Variants in CREB5 observed in about 807,000 individuals in gnomAD.
CREB5 encodes cAMP responsive element binding protein 5.
CREB5 carries 19 observed loss-of-function variants against 57.1 expected under a neutral mutation model. The observed-to-expected ratio is 0.33, with a 90% CI of 0.23 to 0.49. CREB5 has a LOEUF of 0.49. CREB5 is among the 20% of genes least tolerant of loss of function. The pLI is 0.99. For missense variants in CREB5, 579 were observed against 671.6 expected, an observed-to-expected ratio of 0.86 and a Z score of 1.52; for synonymous variants, 238 against 238.3, an observed-to-expected ratio of 1.00 and a Z score of 0.01.
intron 5 of CREB5, among the ~76,000 whole-genome samples, chr7:28,694,564 T>A (rs1801441252): frequency 6.6e-6 from 1 of 152,164 alleles, no homozygotes; most frequent in African/African-American, 2.4e-5. Flanking sequence ...TTTTTTAAAA[T>A]TTTTCTTTAG....
At chr7:28,711,453 A>G (rs1183504293) in intron 5 of CREB5, among the ~76,000 whole-genome samples, 1 of 152,242 alleles carries the variant, frequency 6.6e-6, no homozygotes, top group Non-Finnish European at 1.5e-5. Flanking sequence ...GGGAAATATT[A>G]TATCTGCTCT....
In CREB5 at chr7:28,822,368, A is replaced by G. The variant is rs1809821665; in HGVS notation, c.*3089A>G. The G allele has an allele frequency of 6.6e-6, 1 of 152,600 alleles. No homozygotes were observed. The highest frequency in any genetic ancestry group is 6.5e-5 in the Admixed American group (1 of 15,282). 9.5% of individuals were successfully genotyped at this position (152,600 alleles called of 1,614,324 possible). ...CCGTCACCAGACAACAGAATAATCA[A>G]TCTGCCTGAAAATCCCTCCTCCTTG... On this transcript the variant is annotated 3_prime_UTR_variant, in exon 11 of 11. Transcript: ENST00000357727.
intron 1 of CREB5, among the ~76,000 whole-genome samples, chr7:28,310,533 T>C (rs1785257680): frequency 6.6e-6 from 1 of 152,260 alleles, no homozygotes; most frequent in African/African-American, 2.4e-5. Context: ...AACATTCTTT[T>C]CAACTATGAA....
chr7:28,736,173 T>G (rs912393503), intron 7 of CREB5, among the ~76,000 whole-genome samples: 5 of 151,948 alleles, frequency 3.3e-5, no homozygotes, highest in African/African-American at 1.2e-4. Flanking sequence ...TGTTTGTTTG[T>G]TTTGTTTTGT....
chr7:28,669,641 G>A (rs542778661), intron 5 of CREB5, among the ~76,000 whole-genome samples: 1 of 152,288 alleles, frequency 6.6e-6, no homozygotes, highest in East Asian at 1.9e-4. Flanking sequence ...ACCACTGTGG[G>A]ACTCTATCTT....
intron 1 of CREB5, among the ~76,000 whole-genome samples, chr7:28,486,718 A>G (rs1791572255): frequency 7.5e-6 from 1 of 132,970 alleles, no homozygotes; most frequent in South Asian, 2.4e-4. Context: ...TGGTAACCAC[A>G]AAACCATGTA....
chr7:28,585,492 G>A (rs576606501), intron 5 of CREB5, among the ~76,000 whole-genome samples: 8 of 152,292 alleles, frequency 5.3e-5, no homozygotes, highest in South Asian at 2.1e-4. Flanking sequence ...GCTCATTTTC[G>A]TGACCGATCA....
intron 1 of CREB5, among the ~76,000 whole-genome samples, chr7:28,324,596 C>A (rs887947674): frequency 1.2e-4 from 18 of 152,184 alleles, no homozygotes; most frequent in Admixed American, 9.8e-4. Flanking sequence ...GCTTTTGGAG[C>A]ACGTTCCTGA....
intron 1 of CREB5, among the ~76,000 whole-genome samples, chr7:28,415,845 G>A (rs1485794519): frequency 6.6e-6 from 1 of 152,174 alleles, no homozygotes; most frequent in Non-Finnish European, 1.5e-5. Context: ...AACGGGTGAT[G>A]TTTTCACTCT....
At position 28,718,742 on chromosome 7, in the gene CREB5, C is replaced by A. The variant is rs1195716017; in HGVS notation, c.465-11C>A. 5 of 1,612,888 alleles carry A rather than the reference C, an allele frequency of 3.1e-6. No homozygotes were observed. The highest frequency in any genetic ancestry group is 3.3e-5 in the Admixed American group (2 of 59,822). On this transcript the variant is annotated splice_polypyrimidine_tract_variant and intron_variant, in intron 5 of 10. Transcript: ENST00000357727. ...AGGAATCATGTTTGTTTGTTTTTTT[C>A]TTTGTCCCAGGCCTGTCCCAGGCTC...
intron 1 of CREB5, among the ~76,000 whole-genome samples, chr7:28,377,928 T>G (rs1786871086): frequency 3.7e-5 from 1 of 26,880 alleles, no homozygotes; most frequent in South Asian, 2.6e-3. Context: ...CGAGACTCTA[T>G]CTCAAAAAAA....
chr7:28,642,111 T>G (rs879476508), intron 5 of CREB5, among the ~76,000 whole-genome samples: 1 of 152,256 alleles, frequency 6.6e-6, no homozygotes, highest in Non-Finnish European at 1.5e-5. Flanking sequence ...CATTGTTCTT[T>G]GTTGCCTTTG....
In CREB5 at chr7:28,587,735, C is replaced by T. The variant is rs141085164; in HGVS notation, c.464+17198C>T. ...ATGTGGTTTATTTTCCTAAGGTTCA[C>T]GGTATAGGTTTTAAATTCAGCCTTG... On this transcript the variant is annotated intron_variant, in intron 5 of 10. Transcript: ENST00000357727. Among the ~76,000 whole-genome samples, 1,081 of 152,230 alleles carry T rather than the reference C, an allele frequency of 7.1e-3. 11 individuals are homozygous for T. The highest frequency in any genetic ancestry group is 0.012 in the Non-Finnish European group (785 of 67,994).
At chr7:28,803,621 G>T (rs1175216462) in intron 7 of CREB5, among the ~76,000 whole-genome samples, 1 of 152,016 alleles carries the variant, frequency 6.6e-6, no homozygotes, top group Admixed American at 6.6e-5. Context: ...GCTGGGCATG[G>T]TGGCAGATGC....
chr7:28,611,511 A>AAAAAG (rs1797384043), intron 5 of CREB5, among the ~76,000 whole-genome samples: 1 of 147,632 alleles, frequency 6.8e-6, no homozygotes. Context: ...AAAAAAAAAA[A>AAAAAG]AAAAATTAGC....
At chr7:28,566,206 G>C (rs889063735) in intron 4 of CREB5, among the ~76,000 whole-genome samples, 1 of 152,194 alleles carries the variant, frequency 6.6e-6, no homozygotes, top group Non-Finnish European at 1.5e-5. Context: ...AAGCAACCTA[G>C]ATTTATGTTA....
chr7:28,309,802 A>C (rs551112027), intron 1 of CREB5, among the ~76,000 whole-genome samples: 6 of 152,252 alleles, frequency 3.9e-5, no homozygotes, highest in Non-Finnish European at 7.4e-5. Flanking sequence ...TCCTGGCCCT[A>C]CGTTGCCTCT....
At position 28,454,541 on chromosome 7, in the gene CREB5, G is replaced by A. The variant is rs574081445; in HGVS notation, c.4-33634G>A. Among the ~76,000 whole-genome samples the A allele has an allele frequency of 2.2e-4, 34 of 152,230 alleles. No individual in the cohort carries two copies. The East Asian group carries it at 6.2e-3, about 28-fold the overall frequency. On this transcript the variant is annotated intron_variant, in intron 1 of 10. Coordinates refer to ENST00000357727, the MANE Select transcript of CREB5 (RefSeq NM_182898.4). Reference sequence around the variant, plus strand: ...CATGTTCGCCAGATTGCTTCCTGGTGCCACCTCCTAGCACCTGTGGATACC... The same window carrying A: ...CATGTTCGCCAGATTGCTTCCTGGTACCACCTCCTAGCACCTGTGGATACC...
At chr7:28,644,359 G>A (rs3888613) in intron 5 of CREB5, among the ~76,000 whole-genome samples, 34,256 of 151,946 alleles carry the variant, frequency 0.23, 4,720 homozygotes, top group East Asian at 0.34. Flanking sequence ...TTCCACAGTA[G>A]CACCAGAGGA....
Sources: gnomAD v4.1 joint callset for allele counts (sites outside exome capture counted in the v4.1 genomes callset) on GRCh38, gnomAD v4.1.1 for gene constraint, MANE v1.5 for transcripts, NCBI Gene and HGNC (gene_info 2026-07-23, HGNC 2026-07-21) for gene names.